ZNF804B: variants seen among roughly 807,000 people sequenced by gnomAD.
The protein encoded by ZNF804B is zinc finger 804B.
ZNF804B carries 80 observed loss-of-function variants against 101.4 expected under a neutral mutation model. The ratio of observed to expected loss-of-function variants is 0.79; its 90% CI spans 0.66 to 0.95. The LOEUF (loss-of-function observed/expected upper bound fraction) is 0.95. Among genes scored for constraint, ZNF804B ranks in the 40% least tolerant of loss-of-function variants. ZNF804B has a pLI of 0.00. For synonymous variants in ZNF804B, 622 were observed against 558.8 expected (o/e 1.11, Z -1.59); for missense variants, 1,673 against 1,561.9 (o/e 1.07, Z -1.20).
intron 2 of ZNF804B, among the ~76,000 whole-genome samples, chr7:89,234,636 G>C (rs986365109): frequency 6.6e-6 from 1 of 152,128 alleles, no homozygotes; most frequent in African/African-American, 2.4e-5. Flanking sequence ...AGGGGTTTCT[G>C]TCTGTTTCTC....
chr7:89,334,695 T>C lies in ZNF804B; in HGVS notation c.1713T>C (p.Asn571=), dbSNP rs537604693. The C allele has an allele frequency of 1.4e-5, 23 of 1,613,692 alleles. No homozygotes were observed. In the African/African-American group the frequency reaches 1.6e-4, roughly 11 times the overall value. Residue 571 remains asparagine (N), a synonymous_variant, in exon 4 of 4, where the codon AAT becomes AAC. Transcript: ENST00000333190. ...PNKSEYTFSA[N]DLEMKNPKVP... ...AGAGTGAATATACTTTCAGTGCAAATGATTTGGAAATGAAAAATCCTAAAG... is the reference window on the plus strand; with the variant it reads ...AGAGTGAATATACTTTCAGTGCAAACGATTTGGAAATGAAAAATCCTAAAG...
chr7:88,977,027 T>C (rs1347719510), intron 1 of ZNF804B, among the ~76,000 whole-genome samples: 1 of 151,804 alleles, frequency 6.6e-6, no homozygotes, highest in Non-Finnish European at 1.5e-5. Context: ...TGATACGATG[T>C]ATCACATTGA....
intron 1 of ZNF804B, among the ~76,000 whole-genome samples, chr7:88,970,075 C>T (rs1793509189): frequency 6.6e-6 from 1 of 150,546 alleles, no homozygotes; most frequent in Non-Finnish European, 1.5e-5. Flanking sequence ...CCTTTCCTTC[C>T]TTTCCTTCCT....
At chr7:89,301,292 A>T (rs1346746535) in intron 2 of ZNF804B, among the ~76,000 whole-genome samples, 1 of 151,490 alleles carries the variant, frequency 6.6e-6, no homozygotes, top group African/African-American at 2.4e-5. Context: ...AAACATGCTT[A>T]TTATTTATAT....
chr7:88,781,217 G>A (rs1034588772), intron 1 of ZNF804B, among the ~76,000 whole-genome samples: 3 of 152,144 alleles, frequency 2.0e-5, no homozygotes, highest in Non-Finnish European at 4.4e-5. Flanking sequence ...TATAAGAAGG[G>A]TTTCCATAAT....
At chr7:88,860,512 C>A (rs968269885) in intron 1 of ZNF804B, among the ~76,000 whole-genome samples, 6 of 152,046 alleles carry the variant, frequency 3.9e-5, no homozygotes, top group Admixed American at 6.6e-5. Flanking sequence ...TTCATATTCA[C>A]AAATAAATAA....
intron 1 of ZNF804B, among the ~76,000 whole-genome samples, chr7:89,136,159 C>CT (rs995917124): frequency 8.5e-5 from 13 of 152,056 alleles, no homozygotes; most frequent in Non-Finnish European, 1.3e-4. Context: ...AAATATTCTT[C>CT]TTTGCTTCCT....
intron 1 of ZNF804B, among the ~76,000 whole-genome samples, chr7:89,082,169 A>G (rs1789706915): frequency 6.6e-6 from 1 of 151,766 alleles, no homozygotes; most frequent in South Asian, 2.1e-4. Context: ...ATAAATGCCA[A>G]CTAATAATAT....
intron 2 of ZNF804B, among the ~76,000 whole-genome samples, chr7:89,300,509 T>C (rs758902): frequency 0.61 from 93,246 of 151,622 alleles, 28,991 homozygotes; most frequent in East Asian, 0.9. Flanking sequence ...AGCATGATAT[T>C]GGATTCTGAA....
chr7:88,801,212 C>A (rs1047454170), intron 1 of ZNF804B, among the ~76,000 whole-genome samples: 5 of 151,558 alleles, frequency 3.3e-5, no homozygotes, highest in African/African-American at 9.7e-5. Flanking sequence ...AGGAATGGAA[C>A]CCTGGTGTGT....
chr7:88,889,604 C>A (rs1478858504), intron 1 of ZNF804B, among the ~76,000 whole-genome samples: 2 of 152,166 alleles, frequency 1.3e-5, no homozygotes, highest in Non-Finnish European at 2.9e-5. Context: ...TGAGAAGTGT[C>A]TTTTCATGCC....
intron 1 of ZNF804B, among the ~76,000 whole-genome samples, chr7:88,839,705 C>A (rs2115801684): frequency 6.6e-6 from 1 of 151,912 alleles, no homozygotes; most frequent in Admixed American, 6.6e-5. Flanking sequence ...AAGATTGAAT[C>A]CTTAACCAGC....
intron 1 of ZNF804B, among the ~76,000 whole-genome samples, chr7:89,211,322 TTTG>T (rs758060027): frequency 7.2e-5 from 11 of 152,136 alleles, no homozygotes; most frequent in South Asian, 2.1e-4. Flanking sequence ...TAGTGGGTTT[TTTG>T]TTGTTGTTGT....
At chr7:89,082,547 T>G (rs945603791) in intron 1 of ZNF804B, among the ~76,000 whole-genome samples, 5 of 151,752 alleles carry the variant, frequency 3.3e-5, no homozygotes, top group Non-Finnish European at 1.5e-5. Context: ...ACACAGTTTG[T>G]TGCATCACCC....
chr7:88,969,969 G>A (rs1793507269), intron 1 of ZNF804B, among the ~76,000 whole-genome samples: 1 of 151,306 alleles, frequency 6.6e-6, no homozygotes, highest in African/African-American at 2.4e-5. Context: ...TATAAAACCT[G>A]AAGAGGTAAC....
intron 1 of ZNF804B, among the ~76,000 whole-genome samples, chr7:89,184,812 C>T (rs1788351444): frequency 6.6e-6 from 1 of 152,118 alleles, no homozygotes; most frequent in Non-Finnish European, 1.5e-5. Context: ...TTATAATTAA[C>T]ATATTTGCCA....
chr7:89,010,000 A>G (rs899984383), intron 1 of ZNF804B, among the ~76,000 whole-genome samples: 1 of 152,158 alleles, frequency 6.6e-6, no homozygotes, highest in Non-Finnish European at 1.5e-5. Flanking sequence ...ATCTATCACC[A>G]AATTCTTTTA....
chr7:89,287,761 G>A (rs532535751), intron 2 of ZNF804B, among the ~76,000 whole-genome samples: 1 of 152,132 alleles, frequency 6.6e-6, no homozygotes, highest in East Asian at 1.9e-4. Flanking sequence ...TCCAGCCAAA[G>A]GGAGAAACCT....
intron 1 of ZNF804B, among the ~76,000 whole-genome samples, chr7:88,987,012 A>G (rs977891431): frequency 6.6e-6 from 1 of 152,106 alleles, no homozygotes; most frequent in African/African-American, 2.4e-5. Context: ...CCTGTTATTC[A>G]AAATTCTCTA....
Sources: allele counts gnomAD v4.1 joint callset (sites outside exome capture counted in the v4.1 genomes callset), GRCh38; gene constraint gnomAD v4.1.1; transcripts MANE v1.5; gene names NCBI Gene and HGNC (gene_info 2026-07-23, HGNC 2026-07-21).